The following TNKS2 variants were observed in gnomAD, a reference collection of about 807,000 sequenced individuals.
TNKS2 encodes tankyrase 2, also known as poly [ADP-ribose] polymerase tankyrase-2.
A neutral mutation model predicts 137.6 loss-of-function variants in TNKS2; 72 were observed. The ratio of observed to expected loss-of-function variants is 0.52; its 90% CI spans 0.43 to 0.64. TNKS2 has a LOEUF of 0.64. TNKS2 is among the 30% of genes least tolerant of loss of function. TNKS2 has a pLI of 0.00. For synonymous variants in TNKS2, 516 were observed against 512.1 expected (o/e 1.01, Z -0.10); for missense variants, 1,049 against 1,410.2 (o/e 0.74, Z 4.10).
intron 11 of TNKS2, among the ~76,000 whole-genome samples, chr10:91,832,018 T>C (rs1229928047): frequency 3.9e-5 from 6 of 152,216 alleles, no homozygotes; most frequent in African/African-American, 1.4e-4. Context: ...TAGTTTATTC[T>C]TACCTATCCT....
At chr10:91,801,428 C>T (rs952473533) in intron 1 of TNKS2, among the ~76,000 whole-genome samples, 2 of 151,694 alleles carry the variant, frequency 1.3e-5, no homozygotes, top group East Asian at 1.9e-4. Flanking sequence ...CTTTTCAGTC[C>T]GCCTGCCACT....
At chr10:91,858,943 AG>A (rs1842783050) in intron 24 of TNKS2, among the ~76,000 whole-genome samples, 1 of 152,128 alleles carries the variant, frequency 6.6e-6, no homozygotes, top group African/African-American at 2.4e-5. Context: ...CGGGAGGCAG[AG>A]GTTGCAGTGA....
intron 13 of TNKS2, among the ~76,000 whole-genome samples, chr10:91,839,640 G>A (rs1032140835): frequency 6.6e-6 from 1 of 152,142 alleles, no homozygotes; most frequent in Non-Finnish European, 1.5e-5. Context: ...GAGTGGTATG[G>A]TTACTGAACC....
At chr10:91,822,154 A>G (rs1421366734) in intron 6 of TNKS2, 142 bp from the exon 7 acceptor site, 9 of 624,428 alleles carry the variant, frequency 1.4e-5, no homozygotes, top group Non-Finnish European at 2.3e-5. Flanking sequence ...GGATGTTACT[A>G]AATTTTGAAC....
Position 91,855,677 on chromosome 10 carries a change from A to G in TNKS2, c.2977A>G (p.Asn993Asp). Reference protein sequence around the residue: ...GHAGGIFNRYNILKIQKVCNK... With the variant: ...GHAGGIFNRYDILKIQKVCNK... ...TGCAGGTGGAATCTTCAACAGATAC[A>G]ATATTCTCAAGGTAATAAATTAGTG... The change falls in exon 23 of 27, where the codon AAT (asparagine) becomes GAT (aspartate). Residue 993 changes from asparagine to aspartate, a missense_variant. Asn to Asp is a conservative substitution (Grantham distance 23, BLOSUM62 1). This residue lies in a region of TNKS2 where 133 missense variants were observed against 248.4 expected (regional missense o/e 0.54). Coordinates refer to ENST00000371627, the MANE Select transcript of TNKS2 (RefSeq NM_025235.4). 6.2e-7 allele frequency: 1 copy of G among 1,611,304 alleles called. No individual in the cohort carries two copies. The highest frequency in any genetic ancestry group is 1.1e-5 in the South Asian group (1 of 90,854).
At chr10:91,819,073 A>G (rs576409521) in intron 3 of TNKS2, among the ~76,000 whole-genome samples, 197 bp from the exon 4 acceptor site, 1 of 152,146 alleles carries the variant, frequency 6.6e-6, no homozygotes, top group African/African-American at 2.4e-5. Flanking sequence ...TTTTAATCCC[A>G]TAGCAAAGGT....
At position 91,826,956 on chromosome 10, in the gene TNKS2, TACG is replaced by T. The variant is rs1845088784; in HGVS notation, c.796-59_796-57del. 26 of 1,390,444 alleles carry T rather than the reference TACG, an allele frequency of 1.9e-5. No homozygotes were observed. The East Asian group carries it at 6.4e-4, about 34-fold the overall frequency. The allele number at this position is 1,390,444 out of a possible 1,614,324, so 86.1% of individuals were successfully genotyped here. On this transcript the variant is annotated intron_variant, in intron 7 of 26. Coordinates refer to ENST00000371627, the MANE Select transcript of TNKS2 (RefSeq NM_025235.4). ...GCCTGTATGATGTTAAATTACACAGTACGAATAATTCTGAATTCTTTTAAAAAT... is the reference window on the plus strand; with the variant it reads ...GCCTGTATGATGTTAAATTACACAGTAATAATTCTGAATTCTTTTAAAAAT...
chr10:91,805,358 A>G (rs1844293994), intron 1 of TNKS2, among the ~76,000 whole-genome samples: 1 of 152,236 alleles, frequency 6.6e-6, no homozygotes, highest in African/African-American at 2.4e-5. Context: ...ACATTGACAC[A>G]GAAGTCTGTG....
chr10:91,808,990 G>T (rs899471253), intron 1 of TNKS2, among the ~76,000 whole-genome samples: 1 of 152,082 alleles, frequency 6.6e-6, no homozygotes, highest in African/African-American at 2.4e-5. Flanking sequence ...CAAAAACCTT[G>T]GCAGTAGTGT....
chr10:91,853,788 A>G (rs951752066), intron 21 of TNKS2, among the ~76,000 whole-genome samples: 1 of 152,226 alleles, frequency 6.6e-6, no homozygotes, highest in Non-Finnish European at 1.5e-5. Flanking sequence ...GCATGTTGGT[A>G]GTAGTCCTGT....
At position 91,864,078 on chromosome 10, in the gene TNKS2, C is replaced by T. The variant is rs1842918724; in HGVS notation, c.*1079C>T. ...CTTGGTTTTATTGCTGTATTTATAG[C>T]CAATCTATACATCATGGGTAAACTT... On this transcript the variant is annotated 3_prime_UTR_variant, in exon 27 of 27. Transcript: ENST00000371627. The T allele has an allele frequency of 6.6e-6, 1 of 152,194 alleles. No individual in the cohort carries two copies. The highest frequency in any genetic ancestry group is 2.1e-4 in the South Asian group (1 of 4,826). 9.4% of individuals were successfully genotyped at this position (152,194 alleles called of 1,614,324 possible). A position where few individuals can be genotyped will look rare whatever the true frequency, so the allele number is the denominator to read the frequency against.
chr10:91,820,543 C>A (rs1042019804), intron 6 of TNKS2, among the ~76,000 whole-genome samples: 1 of 152,196 alleles, frequency 6.6e-6, no homozygotes, highest in Non-Finnish European at 1.5e-5. Flanking sequence ...ATGATTCACA[C>A]AGGAGACAAA....
chr10:91,812,238 T>C (rs1474118124), intron 1 of TNKS2, among the ~76,000 whole-genome samples: 1 of 152,172 alleles, frequency 6.6e-6, no homozygotes. Flanking sequence ...TGATAAGAGA[T>C]TGAAACTCAT....
intron 13 of TNKS2, among the ~76,000 whole-genome samples, 171 bp downstream of exon 13, chr10:91,837,169 G>A (rs140984561): frequency 7.4e-4 from 113 of 152,290 alleles, no homozygotes; most frequent in Admixed American, 6.4e-3. Flanking sequence ...AGTAATGAAA[G>A]AGAAAGACTT....
chr10:91,845,794 G>A lies in TNKS2; in HGVS notation c.2212G>A (p.Val738Ile). 1 of 1,601,984 alleles carries A rather than the reference G, an allele frequency of 6.2e-7. No individual in the cohort carries two copies. Among genetic ancestry groups the A allele is most frequent in the South Asian group, 1.1e-5 (1 of 89,934 alleles). Residue 738 changes from valine (V) to isoleucine (I), a missense_variant, in exon 18 of 27, where the codon GTC becomes ATC. Physicochemically the swap from Val to Ile is conservative, Grantham distance 29. Coordinates refer to ENST00000371627, the MANE Select transcript of TNKS2 (RefSeq NM_025235.4). ...AALLIKYNAC[V>I]NATDKWAFTP... is the part of the protein sequence containing the mutation. ...TCTACTAATAAAGTATAATGCATGT[G>A]TCAATGCCACGGACAAATGGGCTTT...
At chr10:91,847,824 T>C (rs537491404) in intron 18 of TNKS2, among the ~76,000 whole-genome samples, 1 of 152,346 alleles carries the variant, frequency 6.6e-6, no homozygotes, top group East Asian at 1.9e-4. Context: ...GTAACTACAA[T>C]AGGACTAAAA....
intron 18 of TNKS2, among the ~76,000 whole-genome samples, chr10:91,846,706 G>GGT (rs1474149230): frequency 2.0e-5 from 3 of 148,658 alleles, no homozygotes; most frequent in African/African-American, 7.9e-5. Context: ...AAGAAACTGA[G>GGT]GTAGTTCAGC....
At chr10:91,855,967 TTATA>T (rs1183393602) in intron 23 of TNKS2, among the ~76,000 whole-genome samples, 1 of 152,172 alleles carries the variant, frequency 6.6e-6, no homozygotes, top group East Asian at 1.9e-4. Context: ...GTTCAATACT[TTATA>T]TAAAGTACTG....
At chr10:91,812,747 G>C (rs1844549790) in intron 1 of TNKS2, 1 of 984,926 alleles carries the variant, frequency 1.0e-6, no homozygotes, top group Non-Finnish European at 1.2e-6. Context: ...GTTAGCAGTA[G>C]TAGTACCACC....
Sources: gnomAD v4.1 joint callset for allele counts (sites outside exome capture counted in the v4.1 genomes callset) on GRCh38, gnomAD v4.1.1 for gene constraint, gnomAD v4.1.1 regional missense constraint, MANE v1.5 for transcripts, NCBI Gene and HGNC (gene_info 2026-07-23, HGNC 2026-07-21) for gene names.